Variants in FAM227B observed in about 807,000 individuals in gnomAD.
The protein encoded by FAM227B is protein FAM227B.
In FAM227B, 88 loss-of-function variants were observed where a neutral mutation model predicts 73.8. The observed-to-expected ratio is 1.19, with a 90% confidence interval of 1.00 to 1.42. The LOEUF (loss-of-function observed/expected upper bound fraction) is 1.42. Among genes scored for constraint, FAM227B ranks in the 40% most tolerant of loss-of-function variants. The pLI is 0.00. For missense variants in FAM227B, 632 were observed against 590.9 expected (o/e 1.07, Z -0.72); for synonymous variants, 210 against 190.5 (o/e 1.10, Z -0.84).
intron 11 of FAM227B, among the ~76,000 whole-genome samples, chr15:49,454,842 C>T (rs762084050): frequency 1.3e-5 from 2 of 152,120 alleles, no homozygotes; most frequent in African/African-American, 4.8e-5. Context: ...ATCTCCTGAC[C>T]TCGTGATCCG....
At chr15:49,359,772 A>G (rs1448657037) in intron 13 of FAM227B, among the ~76,000 whole-genome samples, 2 of 135,802 alleles carry the variant, frequency 1.5e-5, no homozygotes, top group Non-Finnish European at 3.2e-5. Flanking sequence ...TCATGCTGCT[A>G]TAAAGACACA....
At chr15:49,458,186 G>C (rs953391925) in intron 11 of FAM227B, among the ~76,000 whole-genome samples, 19 of 151,904 alleles carry the variant, frequency 1.3e-4, no homozygotes, top group African/African-American at 4.3e-4. Flanking sequence ...GGATCTTAGA[G>C]CAGGAATTTT....
chr15:49,576,559 T>A (rs2075454485), intron 7 of FAM227B, 182 bp downstream of exon 7: 2 of 533,088 alleles, frequency 3.8e-6, no homozygotes, highest in East Asian at 6.5e-5. Context: ...TAACACAGAG[T>A]TTAATATATT....
chr15:49,489,860 T>TTATA (rs796167274), intron 11 of FAM227B, among the ~76,000 whole-genome samples: 156 of 6,798 alleles, frequency 0.023, 13 homozygotes, highest in South Asian at 0.076. Flanking sequence ...TATATATATT[T>TTATA]TATATATATA....
At chr15:49,337,482 C>CATGTCTTTGTTTGAAA (rs71120678) in intron 13 of FAM227B, among the ~76,000 whole-genome samples, 5 of 141,480 alleles carry the variant, frequency 3.5e-5, no homozygotes, top group African/African-American at 1.3e-4. Flanking sequence ...TGGACACTTG[C>CATGTCTTTGTTTGAAA]AATGTCTGTT....
intron 7 of FAM227B, among the ~76,000 whole-genome samples, chr15:49,575,969 T>C (rs1472194624): frequency 2.0e-5 from 3 of 152,214 alleles, no homozygotes; most frequent in East Asian, 3.9e-4. Flanking sequence ...ACATTCAAGA[T>C]TTCTTTTAAG....
At chr15:49,537,040 G>T (rs1367114964) in intron 10 of FAM227B, among the ~76,000 whole-genome samples, 1 of 151,980 alleles carries the variant, frequency 6.6e-6, no homozygotes. Flanking sequence ...CCAATAGCTT[G>T]GGCTACAATA....
chr15:49,375,377 G>C (rs1408120284), intron 11 of FAM227B, among the ~76,000 whole-genome samples: 1 of 151,892 alleles, frequency 6.6e-6, no homozygotes, highest in Non-Finnish European at 1.5e-5. Flanking sequence ...CTTTATTTTG[G>C]CATTTTTGGG....
chr15:49,348,841 A>C (rs922226933), intron 13 of FAM227B, among the ~76,000 whole-genome samples: 4 of 152,186 alleles, frequency 2.6e-5, no homozygotes, highest in Non-Finnish European at 4.4e-5. Context: ...CACTTAAACT[A>C]TTTGAAAATG....
In FAM227B at chr15:49,348,087, T is replaced by TA. The variant is rs1392610136; in HGVS notation, c.1272-12592dup. On this transcript the variant is annotated intron_variant, in intron 13 of 15. Coordinates refer to ENST00000299338, the MANE Select transcript of FAM227B (RefSeq NM_152647.3). ...AGTGCTTCAAATGATCAGCTTTAGT[T>TA]ATCTGGAAAATTTAATTATGGGCCA... 5.9e-5 allele frequency among the ~76,000 whole-genome samples: 9 copies of TA among 151,772 alleles called. No individual in the cohort carries two copies. The South Asian group carries it at 1.9e-3, about 32-fold the overall frequency.
chr15:49,504,928 G>A (rs1014440763), intron 11 of FAM227B, among the ~76,000 whole-genome samples: 5 of 151,940 alleles, frequency 3.3e-5, no homozygotes, highest in East Asian at 1.9e-4. Context: ...TCCTATATCC[G>A]AACAAATACT....
intron 10 of FAM227B, among the ~76,000 whole-genome samples, chr15:49,537,569 T>C (rs1049049063): frequency 7.2e-5 from 11 of 152,028 alleles, no homozygotes; most frequent in Admixed American, 2.0e-4. Context: ...TTTGGGTATA[T>C]TACCCAAAGG....
intron 5 of FAM227B, among the ~76,000 whole-genome samples, chr15:49,579,374 T>C (rs1245204233): frequency 6.6e-6 from 1 of 152,164 alleles, no homozygotes; most frequent in Non-Finnish European, 1.5e-5. Context: ...CTATTCACGA[T>C]AGCTAAGGTA....
intron 13 of FAM227B, among the ~76,000 whole-genome samples, chr15:49,340,114 A>G (rs899335153): frequency 1.3e-5 from 2 of 152,116 alleles, no homozygotes; most frequent in Admixed American, 1.3e-4. Context: ...CCCCCTTTCC[A>G]GGGGAGTGAA....
At chr15:49,510,457 A>G (rs2058908804) in intron 10 of FAM227B, among the ~76,000 whole-genome samples, 1 of 152,086 alleles carries the variant, frequency 6.6e-6, no homozygotes, top group Non-Finnish European at 1.5e-5. Flanking sequence ...TAATTAACTT[A>G]GCTCCAAACT....
At chr15:49,495,861 A>G (rs1306985383) in intron 11 of FAM227B, among the ~76,000 whole-genome samples, 2 of 151,996 alleles carry the variant, frequency 1.3e-5, no homozygotes, top group Non-Finnish European at 2.9e-5. Flanking sequence ...TGTCTCTACT[A>G]AAAATACAAA....
intron 9 of FAM227B, among the ~76,000 whole-genome samples, chr15:49,546,417 A>G (rs2071892140): frequency 6.6e-6 from 1 of 152,162 alleles, no homozygotes; most frequent in Non-Finnish European, 1.5e-5. Flanking sequence ...CGCAATAAAC[A>G]TACGTGTGCA....
intron 9 of FAM227B, among the ~76,000 whole-genome samples, chr15:49,546,408 G>A (rs910178345): frequency 4.4e-4 from 67 of 152,140 alleles, no homozygotes; most frequent in African/African-American, 5.5e-4. Flanking sequence ...GAATAGTGCC[G>A]CAATAAACAT....
At chr15:49,482,236 G>C (rs1338769152) in intron 11 of FAM227B, among the ~76,000 whole-genome samples, 1 of 151,960 alleles carries the variant, frequency 6.6e-6, no homozygotes, top group East Asian at 1.9e-4. Context: ...TAAATATCTT[G>C]AGATTTTACT....
Sources: gnomAD v4.1 joint callset for allele counts (sites outside exome capture counted in the v4.1 genomes callset) on GRCh38, gnomAD v4.1.1 for gene constraint, MANE v1.5 for transcripts, NCBI Gene and HGNC (gene_info 2026-07-23, HGNC 2026-07-21) for gene names.